TMA7B: variants seen among roughly 807,000 people sequenced by gnomAD.
The protein encoded by TMA7B is translation machinery associated 7 homolog B.
the TMA7B span, among the ~76,000 whole-genome samples, chr22:39,961,214 C>A: frequency 7.2e-4 from 109 of 152,136 alleles, no homozygotes; most frequent in Non-Finnish European, 1.3e-3. Flanking sequence ...TTGGCCTCCC[C>A]CATAGTGACC....
the TMA7B span, among the ~76,000 whole-genome samples, chr22:39,962,965 G>A: frequency 2.0e-5 from 3 of 152,062 alleles, no homozygotes; most frequent in Admixed American, 6.6e-5. Context: ...CACTGTGCCC[G>A]GACCCAGAAC....
At chr22:39,963,868 T>C in the TMA7B span, 1 of 153,418 alleles carries the variant, frequency 6.5e-6, no homozygotes, top group Non-Finnish European at 1.4e-5. Flanking sequence ...ATACAAAACT[T>C]AGCCGGGCGT....
chr22:39,961,180 C>T, the TMA7B span, among the ~76,000 whole-genome samples: 2 of 152,108 alleles, frequency 1.3e-5, no homozygotes, highest in African/African-American at 2.4e-5. Flanking sequence ...TCTCAAACTC[C>T]TGGCCTCGAG....
chr22:39,964,353 TG>T, the TMA7B span: 1 of 713,492 alleles, frequency 1.4e-6, no homozygotes, highest in Non-Finnish European at 2.5e-6. Context: ...TGGCAGGGTC[TG>T]GGGAAGGGGC....
At chr22:39,961,190 G>C in the TMA7B span, among the ~76,000 whole-genome samples, 1 of 152,092 alleles carries the variant, frequency 6.6e-6, no homozygotes, top group African/African-American at 2.4e-5. Flanking sequence ...CTGGCCTCGA[G>C]TAATCCTCCT....
the TMA7B span, among the ~76,000 whole-genome samples, chr22:39,962,351 G>A: frequency 6.6e-6 from 1 of 152,118 alleles, no homozygotes; most frequent in Non-Finnish European, 1.5e-5. Flanking sequence ...GAGCTGGGCG[G>A]TTGAGGTTGC....
chr22:39,960,429 T>G, the TMA7B span: 1 of 440,116 alleles, frequency 2.3e-6, no homozygotes, highest in Non-Finnish European at 4.2e-6. Flanking sequence ...GCCCAGGTGC[T>G]TCTGGAAGGG....
chr22:39,962,348 G>A, the TMA7B span, among the ~76,000 whole-genome samples: 1 of 152,122 alleles, frequency 6.6e-6, no homozygotes, highest in East Asian at 1.9e-4. Context: ...TTGGAGCTGG[G>A]CGGTTGAGGT....
chr22:39,961,184 C>A, the TMA7B span, among the ~76,000 whole-genome samples: 1 of 152,030 alleles, frequency 6.6e-6, no homozygotes, highest in Non-Finnish European at 1.5e-5. Flanking sequence ...AAACTCCTGG[C>A]CTCGAGTAAT....
At chr22:39,963,609 C>T in the TMA7B span, among the ~76,000 whole-genome samples, 2 of 152,140 alleles carry the variant, frequency 1.3e-5, no homozygotes, top group East Asian at 1.9e-4. Context: ...AAGCAAGAGG[C>T]CACTTGTACA....
the TMA7B span, among the ~76,000 whole-genome samples, chr22:39,962,858 G>A: frequency 2.0e-5 from 3 of 151,920 alleles, no homozygotes; most frequent in African/African-American, 2.4e-5. Flanking sequence ...CAGTAGAGAC[G>A]GGGTTTCGTC....
At chr22:39,960,408 C>A in the TMA7B span, 1 of 475,274 alleles carries the variant, frequency 2.1e-6, no homozygotes, top group East Asian at 3.3e-5. Context: ...GCCCATCTGC[C>A]TCCCCTTCTA....
At chr22:39,963,733 C>T in the TMA7B span, among the ~76,000 whole-genome samples, 1 of 152,140 alleles carries the variant, frequency 6.6e-6, no homozygotes, top group African/African-American at 2.4e-5. Flanking sequence ...AAGAAACCTC[C>T]ATGGTCAGGC....
the TMA7B span, chr22:39,964,434 G>C: frequency 1.1e-6 from 1 of 878,820 alleles, no homozygotes; most frequent in Non-Finnish European, 1.8e-6. Flanking sequence ...AGCAGGCCAA[G>C]GAGATGGACG....
the TMA7B span, among the ~76,000 whole-genome samples, chr22:39,962,648 A>G: frequency 1.3e-5 from 2 of 151,484 alleles, no homozygotes; most frequent in East Asian, 2.0e-4. Flanking sequence ...GCTAGAAACT[A>G]TGGTTTTTGT....
the TMA7B span, among the ~76,000 whole-genome samples, chr22:39,962,696 C>T: frequency 1.1e-4 from 17 of 151,890 alleles, no homozygotes; most frequent in Middle Eastern, 3.4e-3. Context: ...CTCGCTCTGT[C>T]GCCCAGGCTG....
the TMA7B span, among the ~76,000 whole-genome samples, chr22:39,962,430 A>G: frequency 1.3e-5 from 2 of 152,094 alleles, no homozygotes; most frequent in Non-Finnish European, 2.9e-5. Flanking sequence ...GTCTCAAGAG[A>G]AAAAAATTAT....
At chr22:39,960,905 A>C in the TMA7B span, 1 of 151,482 alleles carries the variant, frequency 6.6e-6, no homozygotes. Flanking sequence ...GTTTGATCTA[A>C]GGTAACAGAC....
the TMA7B span, chr22:39,964,263 C>T: frequency 3.2e-6 from 2 of 620,334 alleles, no homozygotes; most frequent in Admixed American, 2.8e-5. Context: ...TTTTCTCTAG[C>T]CCTGGTTCGA....
Sources: allele counts gnomAD v4.1 joint callset (sites outside exome capture counted in the v4.1 genomes callset), GRCh38; gene constraint gnomAD v4.1.1; transcripts MANE v1.5; gene names NCBI Gene and HGNC (gene_info 2026-07-23, HGNC 2026-07-21).